Variants in MYBBP1A observed in about 807,000 individuals in gnomAD.
MYBBP1A encodes myb-binding protein 1A.
A neutral mutation model predicts 136.3 loss-of-function variants in MYBBP1A; 147 were observed. The observed-to-expected ratio is 1.08, with a 90% CI of 0.94 to 1.24. The LOEUF (loss-of-function observed/expected upper bound fraction) is 1.24. Ranked by LOEUF, MYBBP1A falls within the 50% of genes most tolerant of loss-of-function variation. MYBBP1A has a pLI of 0.00. For synonymous variants in MYBBP1A, 947 were observed against 735.8 expected, an observed-to-expected ratio of 1.29 and a Z score of -4.65; for missense variants, 2,060 against 1,727.4, an observed-to-expected ratio of 1.19 and a Z score of -3.41.
chr17:4,539,207 G>C lies in MYBBP1A; in HGVS notation c.*208C>G. 1 of 1,455,264 alleles carries C rather than the reference G, an allele frequency of 6.9e-7. No homozygotes were observed. The highest frequency in any genetic ancestry group is 2.8e-5 in the Admixed American group (1 of 36,192). The allele number at this position is 1,455,264 out of a possible 1,614,324, so 90.1% of individuals were successfully genotyped here. A position where few individuals can be genotyped will look rare whatever the true frequency, so the allele number is the denominator to read the frequency against. ...GTCCCAGCCCAGAACCGGGGGTGGG[G>C]AGGTCTCTGCACCCTGGGACCCCTG... On this transcript the variant is annotated 3_prime_UTR_variant, in exon 26 of 26. Coordinates refer to ENST00000254718, the MANE Select transcript of MYBBP1A (RefSeq NM_014520.4).
At chr17:4,549,260 TA>T in intron 10 of MYBBP1A, 71 bp downstream of exon 10, 1 of 1,349,774 alleles carries the variant, frequency 7.4e-7, no homozygotes, top group Non-Finnish European at 1.0e-6. Flanking sequence ...GGATGCAAAC[TA>T]GGACGAGTTA....
rs961179455 is a variant in MYBBP1A at position 4,547,960 on chromosome 17, TGAG to T, written c.1819_1821del (p.Leu607del). 3 of 1,505,856 alleles carry T rather than the reference TGAG, an allele frequency of 2.0e-6. No individual in the cohort carries two copies. Among genetic ancestry groups the T allele is most frequent in the African/African-American group, 2.8e-5 (2 of 72,062 alleles). The allele number at this position is 1,505,856 out of a possible 1,614,324, so 93.3% of individuals were successfully genotyped here. A position where few individuals can be genotyped will look rare whatever the true frequency, so the allele number is the denominator to read the frequency against. On this transcript the variant is annotated inframe_deletion, in exon 13 of 26. Transcript: ENST00000254718. The stretch of plus-strand genomic sequence containing the variant: ...CCCTCCCTCCCAGGCCCCAGTACCT[TGAG>T]GAGGTGGATGCCCACGAGGAGCAGA...
chr17:4,552,103 A>G lies in MYBBP1A; in HGVS notation c.905+22T>C. 3 of 1,608,904 alleles carry G rather than the reference A, an allele frequency of 1.9e-6. No homozygotes were observed. The highest frequency in any genetic ancestry group is 2.5e-6 in the Non-Finnish European group (3 of 1,176,838). ...TTCACGGACAGGGAAGGGGGCCGAG[A>G]GAGGACACGCGTCGCCCGCACCTGG... is the stretch of plus-strand genomic sequence containing the variant. On this transcript the variant is annotated intron_variant, in intron 7 of 25. Transcript: ENST00000254718. The surrounding 1 kb of genome is among the most constrained non-coding windows in gnomAD (Gnocchi z 4.7).
chr17:4,548,171 TGAAG>T lies in MYBBP1A; in HGVS notation c.1692_1695del (p.Phe565LeufsTer15). On this transcript the variant is annotated frameshift_variant, in exon 12 of 26. Coordinates refer to ENST00000254718, the MANE Select transcript of MYBBP1A (RefSeq NM_014520.4). LOFTEE classifies it high-confidence loss of function. The surrounding 1 kb of genome is among the most constrained non-coding windows in gnomAD (Gnocchi z 4.2). ...TCCCAGGCCTGGCGCTGCTGCGCAG[TGAAG>T]GGTGTCACGGTGGTCACGTTGTGGC... The T allele has an allele frequency of 6.2e-7, 1 of 1,605,578 alleles. No individual in the cohort carries two copies. The highest frequency in any genetic ancestry group is 8.5e-7 in the Non-Finnish European group (1 of 1,179,952).
rs758842258 is a variant in MYBBP1A, at chr17:4,545,868, G to A, written c.1899C>T (p.Arg633=). The A allele has an allele frequency of 1.9e-6, 3 of 1,613,318 alleles. No individual in the cohort carries two copies. The highest frequency in any genetic ancestry group is 2.5e-6 in the Non-Finnish European group (3 of 1,179,994). The change falls in exon 14 of 26, where the codon CGC becomes CGT. Residue 633 remains arginine, a synonymous_variant. Coordinates refer to ENST00000254718, the MANE Select transcript of MYBBP1A (RefSeq NM_014520.4). The part of the protein sequence containing the change: ...CIRKSLGEKP[R]RSRTKTIDPQ... ...CACCGATGGTCTTGGTGCGGCTCCG[G>A]CGGGGCTTCTCTCCCAGACTTTTCC...
intron 3 of MYBBP1A, 51 bp from the exon 4 acceptor site, chr17:4,554,144 C>T: frequency 6.2e-7 from 1 of 1,613,310 alleles, no homozygotes; most frequent in Non-Finnish European, 8.5e-7. Context: ...ACTCCCCATT[C>T]CCCAAGCCTC....
chr17:4,547,125 G>C (rs2144470410), intron 13 of MYBBP1A, among the ~76,000 whole-genome samples: 1 of 152,216 alleles, frequency 6.6e-6, no homozygotes, highest in East Asian at 1.9e-4. Context: ...TGGCCAGGCT[G>C]GTCTTGAACT....
At position 4,548,900 on chromosome 17, in the gene MYBBP1A, G is replaced by A. The variant is rs544416485; in HGVS notation, c.1431-251C>T. Among the ~76,000 whole-genome samples, 12 of 152,366 alleles carry A rather than the reference G, an allele frequency of 7.9e-5. No individual in the cohort carries two copies. The East Asian group carries it at 2.3e-3, about 29-fold the overall frequency. The stretch of plus-strand genomic sequence containing the variant: ...TTAACCCGAGCTAGAGAGAGTCAGT[G>A]CCCCTCTCAAGGAACCAACAGATGG... On this transcript the variant is annotated intron_variant, in intron 10 of 25. Transcript: ENST00000254718. The surrounding 1 kb of genome is among the most constrained non-coding windows in gnomAD (Gnocchi z 4.2).
At position 4,538,940 on chromosome 17, in the gene MYBBP1A, T is replaced by C. The variant is rs755339098; in HGVS notation, c.*475A>G. On this transcript the variant is annotated 3_prime_UTR_variant, in exon 26 of 26. Transcript: ENST00000254718. Reference sequence around the variant, plus strand: ...TCCTTCCGGAAGCCAAACTGCTCCTTTATTTTTTAGAGCTGCTGATTGTGA... The same window carrying C: ...TCCTTCCGGAAGCCAAACTGCTCCTCTATTTTTTAGAGCTGCTGATTGTGA... 1.3e-6 allele frequency: 1 copy of C among 783,984 alleles called. No individual in the cohort carries two copies. Among genetic ancestry groups the C allele is most frequent in the Non-Finnish European group, 2.4e-6 (1 of 420,792 alleles). 48.6% of individuals were successfully genotyped at this position (783,984 alleles called of 1,614,324 possible).
Position 4,555,108 on chromosome 17 carries a change from C to T in MYBBP1A, c.198+19G>A, listed in dbSNP as rs201843790. On this transcript the variant is annotated intron_variant, in intron 1 of 25. Coordinates refer to ENST00000254718, the MANE Select transcript of MYBBP1A (RefSeq NM_014520.4). ...TGCCGGGATATGCGCAGCCTCTGCC[C>T]CAGACCCCGCCACTCCACCTTCGGC... 177 of 1,570,484 alleles carry T rather than the reference C, an allele frequency of 1.1e-4. No individual in the cohort carries two copies. Among genetic ancestry groups the T allele is most frequent in the Non-Finnish European group, 1.5e-4 (175 of 1,157,106 alleles).
intron 9 of MYBBP1A, 50 bp from the exon 10 acceptor site, chr17:4,549,492 A>T (rs1489299710): frequency 6.5e-7 from 1 of 1,547,098 alleles, no homozygotes; most frequent in Non-Finnish European, 8.8e-7. Flanking sequence ...ACTGGCAGAA[A>T]CAGGCTGGGC....
intron 22 of MYBBP1A, 74 bp from the exon 23 acceptor site, chr17:4,541,965 T>G (rs926453332): frequency 1.6e-6 from 2 of 1,212,988 alleles, no homozygotes; most frequent in Non-Finnish European, 2.4e-6. Context: ...GCATGAGGGC[T>G]CGGGGGCCCG....
intron 22 of MYBBP1A, 77 bp from the exon 23 acceptor site, chr17:4,541,968 G>C (rs1196784992): frequency 3.6e-6 from 4 of 1,117,518 alleles, no homozygotes; most frequent in Non-Finnish European, 3.9e-6. Flanking sequence ...TGAGGGCTCG[G>C]GGGCCCGCTG....
rs1567615249 is a variant in MYBBP1A, at chr17:4,554,194, CCTT to C, written c.376_378del (p.Lys126del). ...GCTGACCTCCCTGGCCCCACTCTCA[CCTT>C]CTTCACCTGATGCAGGTCATATTTT... is the stretch of plus-strand genomic sequence containing the variant. On this transcript the variant is annotated inframe_deletion and splice_region_variant, in exon 3 of 26. Transcript: ENST00000254718. The C allele has an allele frequency of 5.6e-6, 9 of 1,613,962 alleles. No homozygotes were observed. Among genetic ancestry groups the C allele is most frequent in the South Asian group, 4.4e-5 (4 of 91,092 alleles).
chr17:4,545,825 C>CT, intron 14 of MYBBP1A, 21 bp downstream of exon 14: 1 of 1,612,092 alleles, frequency 6.2e-7, no homozygotes, highest in Non-Finnish European at 8.5e-7. Flanking sequence ...ACTCTAGTCC[C>CT]TCTCGTGACC....
chr17:4,552,553 G>T lies in MYBBP1A; in HGVS notation c.635C>A (p.Pro212His). 6.2e-7 allele frequency: 1 copy of T among 1,614,058 alleles called. No homozygotes were observed. Among genetic ancestry groups the T allele is most frequent in the Non-Finnish European group, 8.5e-7 (1 of 1,180,022 alleles). Reference protein sequence around the residue: ...KADLNIILSSPEQLELFLLAQ... With the variant: ...KADLNIILSSHEQLELFLLAQ... ...CAGGAGGAAGAGCTCTAGCTGTTCA[G>T]GGGAGCTGAGTATTATATTCAAGTC... The change falls in exon 6 of 26, where the codon CCT becomes CAT. Residue 212 changes from proline to histidine, a missense_variant. Pro to His is a moderately conservative substitution (Grantham distance 77, BLOSUM62 -2). Coordinates refer to ENST00000254718, the MANE Select transcript of MYBBP1A (RefSeq NM_014520.4). The surrounding 1 kb of genome is among the most constrained non-coding windows in gnomAD (Gnocchi z 4.7).
At chr17:4,542,791 G>A (rs1237086553) in intron 20 of MYBBP1A, 50 bp from the exon 21 acceptor site, 3 of 1,606,636 alleles carry the variant, frequency 1.9e-6, no homozygotes, top group Non-Finnish European at 2.6e-6. Context: ...GGGTCCCTGG[G>A]ATGGGAGCAG....
At chr17:4,541,745 T>G in intron 23 of MYBBP1A, 39 bp downstream of exon 23, 2 of 1,561,322 alleles carry the variant, frequency 1.3e-6, no homozygotes, top group Non-Finnish European at 1.8e-6. Context: ...GGAGAACTGA[T>G]TCTGAGGGGG....
intron 17 of MYBBP1A, 41 bp downstream of exon 17, chr17:4,544,985 A>AGCCCC: frequency 1.3e-6 from 2 of 1,505,552 alleles, no homozygotes; most frequent in Non-Finnish European, 1.8e-6. Flanking sequence ...GGGACACCCG[A>AGCCCC]GCCCTCCCCG....
Sources: gnomAD v4.1 joint callset for allele counts (sites outside exome capture counted in the v4.1 genomes callset) on GRCh38, gnomAD v4.1.1 for gene constraint, Gnocchi (gnomAD v3.1) non-coding constraint, MANE v1.5 for transcripts, NCBI Gene and HGNC (gene_info 2026-07-23, HGNC 2026-07-21) for gene names.